Variants in DIP2B observed in about 807,000 individuals in gnomAD.
The protein encoded by DIP2B is DIP2 acetate--CoA ligase B (putative), also known as disco-interacting protein 2 homolog B.
Under a neutral mutation model 198.0 loss-of-function variants are expected in DIP2B, and 76 were observed. The observed-to-expected ratio is 0.38, with a 90% CI of 0.32 to 0.46. DIP2B has a LOEUF of 0.46. Among genes scored for constraint, DIP2B ranks in the 20% least tolerant of loss-of-function variants. DIP2B has a pLI of 0.99. For missense variants in DIP2B, 1,559 were observed against 1,978.4 expected (o/e 0.79, Z 4.02); for synonymous variants, 701 against 739.1 (o/e 0.95, Z 0.84).
At chr12:50,534,319 C>G (rs1367476104) in intron 1 of DIP2B, among the ~76,000 whole-genome samples, 3 of 150,592 alleles carry the variant, frequency 2.0e-5, no homozygotes, top group Non-Finnish European at 4.4e-5. Context: ...AAAACACTTT[C>G]AAGACTTTTG....
At chr12:50,737,470 T>C (rs1038576779) in intron 35 of DIP2B, among the ~76,000 whole-genome samples, 1 of 152,110 alleles carries the variant, frequency 6.6e-6, no homozygotes, top group Admixed American at 6.5e-5. Context: ...CTAAAATGTA[T>C]CCATGTTTGC....
intron 7 of DIP2B, 83 bp downstream of exon 7, chr12:50,675,531 A>G: frequency 1.5e-6 from 2 of 1,333,762 alleles, no homozygotes; most frequent in Non-Finnish European, 2.0e-6. Context: ...CTGTAGGGTT[A>G]AAGAATGAAC....
intron 2 of DIP2B, among the ~76,000 whole-genome samples, chr12:50,638,840 T>C (rs1052065056): frequency 2.7e-5 from 4 of 147,900 alleles, no homozygotes; most frequent in Non-Finnish European, 5.9e-5. Context: ...TTATCTGAAA[T>C]GCTTGGGACT....
At position 50,671,319 on chromosome 12, in the gene DIP2B, C is replaced by T. The variant is rs150279312; in HGVS notation, c.561C>T (p.Ser187=). The part of the protein sequence containing the change: ...RSIQGSSTSS[S]ASSTLSHGEV... ...TTCAGGGATCGTCCACTTCTTCATCCGCATCTTCTACGCTGTCCCACGGAG... is the reference window on the plus strand; with the variant it reads ...TTCAGGGATCGTCCACTTCTTCATCTGCATCTTCTACGCTGTCCCACGGAG... Residue 187 remains serine, a synonymous_variant, in exon 5 of 38, where the codon TCC becomes TCT. Transcript: ENST00000301180. The T allele has an allele frequency of 2.7e-5, 44 of 1,614,144 alleles. 1 individual carries two copies. The highest frequency in any genetic ancestry group is 3.3e-4 in the Middle Eastern group (2 of 6,062).
chr12:50,707,417 A>G (rs1939533184), intron 21 of DIP2B, among the ~76,000 whole-genome samples: 2 of 152,182 alleles, frequency 1.3e-5, no homozygotes, highest in African/African-American at 4.8e-5. Flanking sequence ...GTAGTGCCGG[A>G]CACCTGGTAG....
In DIP2B at chr12:50,671,188, A is replaced by T. The variant is rs780741053; in HGVS notation, c.430A>T (p.Thr144Ser). The change falls in exon 5 of 38, where the codon ACA becomes TCA. Residue 144 changes from threonine to serine, a missense_variant and splice_region_variant. Transcript: ENST00000301180. The stretch of plus-strand genomic sequence containing the variant: ...TCTTTTTTTCTAATTCCACACAGAC[A>T]CATCTTCGGCCTCTGAGGATGAGGG... ...SPADACTPPD[T>S]SSASEDEGSL... is the part of the protein sequence containing the mutation. The T allele has an allele frequency of 6.2e-7, 1 of 1,614,036 alleles. No individual in the cohort carries two copies. The highest frequency in any genetic ancestry group is 1.7e-5 in the Admixed American group (1 of 60,028).
intron 1 of DIP2B, among the ~76,000 whole-genome samples, chr12:50,614,801 T>A (rs1937664199): frequency 6.6e-6 from 1 of 152,212 alleles, no homozygotes; most frequent in South Asian, 2.1e-4. Flanking sequence ...AAAACCCTTT[T>A]CCACTTTGGC....
intron 4 of DIP2B, among the ~76,000 whole-genome samples, chr12:50,667,712 A>C (rs1453578239): frequency 6.6e-6 from 1 of 152,220 alleles, no homozygotes; most frequent in Non-Finnish European, 1.5e-5. Context: ...AGTTTCTGCT[A>C]TCTTTCCCTT....
At chr12:50,741,560 T>TGA (rs1940244801) in intron 37 of DIP2B, 21 bp downstream of exon 37, 1 of 1,604,386 alleles carries the variant, frequency 6.2e-7, no homozygotes, top group Admixed American at 1.7e-5. Context: ...CAGCATACAC[T>TGA]GTGCTTCCCA....
At chr12:50,647,574 T>TC (rs1293030409) in intron 3 of DIP2B, among the ~76,000 whole-genome samples, 1 of 152,214 alleles carries the variant, frequency 6.6e-6, no homozygotes, top group Non-Finnish European at 1.5e-5. Context: ...GGTCAGTACC[T>TC]TAGAAATTAA....
intron 2 of DIP2B, among the ~76,000 whole-genome samples, chr12:50,634,966 C>T (rs960486975): frequency 7.2e-5 from 11 of 152,132 alleles, no homozygotes; most frequent in African/African-American, 2.7e-4. Context: ...ATCCTGGCAA[C>T]TTGTTTCCAC....
At chr12:50,744,267 G>T (rs1209806480) in intron 37 of DIP2B, among the ~76,000 whole-genome samples, 1 of 152,152 alleles carries the variant, frequency 6.6e-6, no homozygotes, top group African/African-American at 2.4e-5. Flanking sequence ...CTCCCAAAGT[G>T]CTGGGATTAT....
rs1025991507 is a variant in DIP2B at position 50,611,361 on chromosome 12, G to A, written c.101-14615G>A. 9.9e-5 allele frequency among the ~76,000 whole-genome samples: 15 copies of A among 152,114 alleles called. No individual in the cohort carries two copies. The South Asian group carries it at 1.9e-3, about 19-fold the overall frequency. ...CTTTCTGTTACAAATTTATAGCTGC[G>A]AGATCATTTTTATTCTTTTTGGTTG... On this transcript the variant is annotated intron_variant, in intron 1 of 37. Transcript: ENST00000301180.
At chr12:50,692,083 A>G (rs1431285002) in intron 13 of DIP2B, among the ~76,000 whole-genome samples, 2 of 152,054 alleles carry the variant, frequency 1.3e-5, no homozygotes, top group Admixed American at 1.3e-4. Context: ...ATATATATAT[A>G]TAATACATTC....
chr12:50,561,341 A>C (rs1370788693), intron 1 of DIP2B, among the ~76,000 whole-genome samples: 1 of 152,200 alleles, frequency 6.6e-6, no homozygotes, highest in African/African-American at 2.4e-5. Context: ...TAAAAGGTAC[A>C]GGAATCTTTT....
chr12:50,646,463 C>A (rs2139493941), intron 3 of DIP2B, among the ~76,000 whole-genome samples: 1 of 151,902 alleles, frequency 6.6e-6, no homozygotes, highest in South Asian at 2.1e-4. Flanking sequence ...ACTCTGTTGC[C>A]CAGGCTGGAA....
In DIP2B at chr12:50,714,423, T is replaced by G; in HGVS notation, c.2678T>G (p.Val893Gly). 8.7e-6 allele frequency: 14 copies of G among 1,614,140 alleles called. No homozygotes were observed. Among genetic ancestry groups the G allele is most frequent in the Non-Finnish European group, 1.2e-5 (14 of 1,180,010 alleles). ...QAIDSIHQVG[V>G]YCLALVPANT... ...ATCGATAGCATTCATCAAGTGGGGG[T>G]TTATTGTCTTGCTCTGGTGCCAGCC... Residue 893 changes from valine to glycine, a missense_variant, in exon 23 of 38, where the codon GTT becomes GGT. Transcript: ENST00000301180.
At chr12:50,599,362 T>G (rs989548236) in intron 1 of DIP2B, among the ~76,000 whole-genome samples, 7 of 151,744 alleles carry the variant, frequency 4.6e-5, no homozygotes, top group Non-Finnish European at 8.8e-5. Flanking sequence ...ACGCCTGTAA[T>G]CCCAGCACTT....
At chr12:50,541,611 C>T (rs1246998955) in intron 1 of DIP2B, among the ~76,000 whole-genome samples, 1 of 152,096 alleles carries the variant, frequency 6.6e-6, no homozygotes, top group Non-Finnish European at 1.5e-5. Flanking sequence ...ATGTCTGACA[C>T]CTTTCTAGAT....
Sources: gnomAD v4.1 joint callset for allele counts (sites outside exome capture counted in the v4.1 genomes callset) on GRCh38, gnomAD v4.1.1 for gene constraint, MANE v1.5 for transcripts, NCBI Gene and HGNC (gene_info 2026-07-23, HGNC 2026-07-21) for gene names.